ABCA9: variants seen among roughly 807,000 people sequenced by gnomAD.
The protein encoded by ABCA9 is ATP binding cassette subfamily A member 9.
In ABCA9, 183 loss-of-function variants were observed where a neutral mutation model predicts 205.3. The observed-to-expected ratio is 0.89, with a 90% CI of 0.79 to 1.01. The LOEUF (loss-of-function observed/expected upper bound fraction) is 1.01. Ranked by LOEUF, ABCA9 falls within the 50% of genes least tolerant of loss-of-function variation. The pLI is 0.00. For missense variants in ABCA9, 1,805 were observed against 1,912.4 expected, an observed-to-expected ratio of 0.94 and a Z score of 1.05; for synonymous variants, 651 against 683.3, an observed-to-expected ratio of 0.95 and a Z score of 0.74.
At chr17:68,977,191 TGCCAGGTGGTCACAGGAGCC>T (rs987524249) in intron 37 of ABCA9, among the ~76,000 whole-genome samples, 6 of 151,864 alleles carry the variant, frequency 4.0e-5, no homozygotes, top group South Asian at 2.1e-4. Context: ...ACTCAGGAGC[TGCCAGGTGGTCACAGGAGCC>T]GCCAGGTGGT....
At chr17:68,995,518 C>A (rs937163382) in intron 26 of ABCA9, among the ~76,000 whole-genome samples, 3 of 152,222 alleles carry the variant, frequency 2.0e-5, no homozygotes, top group African/African-American at 7.2e-5. Flanking sequence ...CCCATCTCCA[C>A]ACACCCTGAC....
chr17:68,984,940 C>T lies in ABCA9; in HGVS notation c.4324G>A (p.Val1442Met). 6.2e-7 allele frequency: 1 copy of T among 1,614,168 alleles called. No individual in the cohort carries two copies. The highest frequency in any genetic ancestry group is 8.5e-7 in the Non-Finnish European group (1 of 1,180,026). ...CCGGTCGACGGCTCATCCAGAAGCA[C>T]CACTGACGGGTTCCCCAGGATGCTC... ...VLSILGNPSV[V>M]LLDEPSTGMD... The change falls in exon 34 of 39, where the codon GTG becomes ATG. Residue 1442 changes from valine to methionine, a missense_variant. Val to Met is a conservative substitution (Grantham distance 21, BLOSUM62 1). Transcript: ENST00000340001.
chr17:69,028,709 T>C lies in ABCA9; in HGVS notation c.1505-64A>G, dbSNP rs1018548987. 3 of 975,104 alleles carry C rather than the reference T, an allele frequency of 3.1e-6. No individual in the cohort carries two copies. The African/African-American group carries it at 5.0e-5, about 16-fold the overall frequency. The allele number at this position is 975,104 out of a possible 1,614,324, so 60.4% of individuals were successfully genotyped here. ...ATATTAACTTTACAGTCTCTGAAAC[T>C]GTTGTAATTTTTTGCAGCATGAATA... On this transcript the variant is annotated intron_variant, in intron 11 of 38. Coordinates refer to ENST00000340001, the MANE Select transcript of ABCA9 (RefSeq NM_080283.4).
intron 6 of ABCA9, 148 bp from the exon 7 acceptor site, chr17:69,035,949 G>A (rs2071323693): frequency 2.1e-6 from 2 of 973,404 alleles, no homozygotes; most frequent in Non-Finnish European, 2.9e-6. Flanking sequence ...CTACCCTCAG[G>A]ATCACATAAT....
Position 69,023,135 on chromosome 17 carries a change from T to A in ABCA9, c.2281+1079A>T, listed in dbSNP as rs1252106357. 2 of 152,210 alleles carry A rather than the reference T, an allele frequency of 1.3e-5. No homozygotes were observed. Among genetic ancestry groups the A allele is most frequent in the Non-Finnish European group, 2.9e-5 (2 of 68,032 alleles). The allele number at this position is 152,210 out of a possible 1,614,324, so 9.4% of individuals were successfully genotyped here. On this transcript the variant is annotated intron_variant, in intron 17 of 38. Transcript: ENST00000340001. The surrounding 1 kb of genome is among the most constrained non-coding windows in gnomAD (Gnocchi z 4.2). ...TTAATATATCTGAAATAATAATGGA[T>A]CTTAAATGATAGTAGATCATATTTT...
intron 27 of ABCA9, 79 bp downstream of exon 27, chr17:68,992,937 G>T: frequency 2.6e-6 from 3 of 1,164,938 alleles, no homozygotes; most frequent in Admixed American, 1.9e-5. Context: ...TTCTTAATTT[G>T]ATGCAATTCA....
chr17:69,075,772 G>T, the ABCA9 span, among the ~76,000 whole-genome samples: 10 of 152,070 alleles, frequency 6.6e-5, no homozygotes, highest in Admixed American at 5.9e-4. Flanking sequence ...CATGAAAAAT[G>T]ACATTAATAG....
intron 37 of ABCA9, among the ~76,000 whole-genome samples, chr17:68,978,161 T>TGCACG (rs2068940493): frequency 6.6e-6 from 1 of 152,352 alleles, no homozygotes; most frequent in Admixed American, 6.5e-5. Context: ...CTGTATTGGG[T>TGCACG]GCACATATAT....
the ABCA9 span, among the ~76,000 whole-genome samples, chr17:69,073,645 C>A: frequency 6.6e-6 from 1 of 152,158 alleles, no homozygotes; most frequent in Admixed American, 6.5e-5. Context: ...CACAAGAAAG[C>A]AGCAAAGATC....
chr17:69,060,144 T>TC lies in ABCA9; in HGVS notation c.-14+721dup, dbSNP rs528284466. 2.1e-3 allele frequency among the ~76,000 whole-genome samples: 327 copies of TC among 152,124 alleles called. 3 individuals carry two copies. The highest frequency in any genetic ancestry group is 6.8e-3 in the Middle Eastern group (2 of 294). ...ATCTCTGAGCGTTAAGACTGATTTT[T>TC]CCCCCCACTGAACATCTTAGTGTAA... On this transcript the variant is annotated intron_variant, in intron 1 of 38. Transcript: ENST00000340001.
intron 25 of ABCA9, among the ~76,000 whole-genome samples, chr17:68,999,640 G>A (rs371759628): frequency 1.3e-5 from 2 of 151,338 alleles, no homozygotes; most frequent in Non-Finnish European, 2.9e-5. Context: ...GGGTATATAC[G>A]CAGTAATGGG....
chr17:69,020,630 T>G (rs189203192), intron 18 of ABCA9, 44 bp from the exon 19 acceptor site: 2 of 1,569,770 alleles, frequency 1.3e-6, no homozygotes, highest in African/African-American at 2.7e-5. Context: ...ATTTTAGTTA[T>G]GCATTATTTA....
chr17:69,031,500 A>C lies in ABCA9; in HGVS notation c.1445+608T>G, dbSNP rs79915887. On this transcript the variant is annotated intron_variant, in intron 10 of 38. Transcript: ENST00000340001. The stretch of plus-strand genomic sequence containing the variant: ...GAATACAACATTGAATGATGAACAA[A>C]ATTTGAGCAAAGATCTGGGGTATTA... Among the ~76,000 whole-genome samples the C allele has an allele frequency of 4.9e-4, 75 of 152,360 alleles. 1 individual carries two copies. The highest frequency in any genetic ancestry group is 1.8e-3 in the African/African-American group (73 of 41,590).
chr17:69,031,989 G>T, intron 10 of ABCA9, 119 bp downstream of exon 10: 1 of 838,920 alleles, frequency 1.2e-6, no homozygotes, highest in Non-Finnish European at 1.9e-6. Flanking sequence ...AGTGCAGCAG[G>T]CTGGCTGTAG....
At chr17:69,024,625 T>G (rs1273587029) in intron 16 of ABCA9, among the ~76,000 whole-genome samples, 1 of 152,146 alleles carries the variant, frequency 6.6e-6, no homozygotes, top group Non-Finnish European at 1.5e-5. Context: ...AGCCAGATCT[T>G]GCCTGGGGTG....
intron 28 of ABCA9, 140 bp from the exon 29 acceptor site, chr17:68,991,097 A>T: frequency 1.0e-6 from 1 of 959,418 alleles, no homozygotes; most frequent in East Asian, 2.7e-5. Flanking sequence ...TACTTGCACC[A>T]TCCGCCTTTC....
intron 31 of ABCA9, among the ~76,000 whole-genome samples, chr17:68,988,342 C>CTT (rs1286512825): frequency 6.6e-6 from 1 of 152,058 alleles, no homozygotes; most frequent in African/African-American, 2.4e-5. Flanking sequence ...GATAATTATC[C>CTT]ATTTTTTTTT....
Position 68,992,222 on chromosome 17 carries a change from T to A in ABCA9, c.3669A>T (p.Leu1223=). 1 of 1,602,172 alleles carries A rather than the reference T, an allele frequency of 6.2e-7. No homozygotes were observed. The highest frequency in any genetic ancestry group is 8.5e-7 in the Non-Finnish European group (1 of 1,173,898). ...FLIFLFILRC[L]EMNCRKKLMR... ...TTAGTTTCTTCCTGCAGTTCATTTCTAGGCATCGCAGAATGAAAAGAAAAA... is the reference window on the plus strand; with the variant it reads ...TTAGTTTCTTCCTGCAGTTCATTTCAAGGCATCGCAGAATGAAAAGAAAAA... The change falls in exon 28 of 39, where the codon CTA becomes CTT. Residue 1223 remains leucine, a synonymous_variant. Transcript: ENST00000340001.
the ABCA9 span, among the ~76,000 whole-genome samples, chr17:69,075,297 C>T: frequency 6.6e-6 from 1 of 152,150 alleles, no homozygotes; most frequent in Admixed American, 6.5e-5. Context: ...CTTCTGAGGA[C>T]TTAGTCATAA....
Sources: gnomAD v4.1 joint callset for allele counts (sites outside exome capture counted in the v4.1 genomes callset) on GRCh38, gnomAD v4.1.1 for gene constraint, Gnocchi (gnomAD v3.1) non-coding constraint, MANE v1.5 for transcripts, NCBI Gene and HGNC (gene_info 2026-07-23, HGNC 2026-07-21) for gene names.